The following CATSPER3 variants were observed in gnomAD, a reference collection of about 807,000 sequenced individuals.
CATSPER3 encodes cation channel sperm associated 3.
A neutral mutation model predicts 36.6 loss-of-function variants in CATSPER3; 23 were observed. The observed-to-expected ratio is 0.63, with a 90% CI of 0.45 to 0.89. The LOEUF (loss-of-function observed/expected upper bound fraction) is 0.89. CATSPER3 is among the 40% of genes least tolerant of loss of function. The probability of loss-of-function intolerance (pLI) is 0.00; values close to 1 mark genes in which losing one functional copy is unlikely to be tolerated. For missense variants in CATSPER3, 474 were observed against 503.9 expected (o/e 0.94, Z 0.57); for synonymous variants, 172 against 184.1 (o/e 0.93, Z 0.53).
intron 3 of CATSPER3, 112 bp downstream of exon 3, chr5:134,996,624 A>G: frequency 9.6e-7 from 1 of 1,045,214 alleles, no homozygotes. Flanking sequence ...GTTGAGTCCA[A>G]CGTGTGTGGC....
intron 4 of CATSPER3, among the ~76,000 whole-genome samples, chr5:135,008,448 A>G (rs1016658624): frequency 3.0e-4 from 45 of 152,348 alleles, no homozygotes; most frequent in African/African-American, 9.9e-4. Context: ...CCCATGTCAT[A>G]TAGCCTTTGG....
At chr5:134,976,011 T>C (rs1580902847) in intron 2 of CATSPER3, among the ~76,000 whole-genome samples, 1 of 152,146 alleles carries the variant, frequency 6.6e-6, no homozygotes, top group East Asian at 1.9e-4. Context: ...TTAAGTGAAA[T>C]AAGCCAAGCA....
chr5:134,971,398 G>A (rs562406438), intron 2 of CATSPER3, among the ~76,000 whole-genome samples: 63 of 152,212 alleles, frequency 4.1e-4, no homozygotes, highest in African/African-American at 1.4e-3. Flanking sequence ...TCTGGCCTGG[G>A]CAACAGAGTG....
At position 134,968,097 on chromosome 5, in the gene CATSPER3, T is replaced by A. The variant is rs201318071; in HGVS notation, c.98+8T>A. ...AACATTCAAGAAATTTAAGTAAATA[T>A]TATCTATCTCCATTGCCTGTTAAGA... On this transcript the variant is annotated splice_region_variant and intron_variant, in intron 1 of 7. Coordinates refer to ENST00000282611, the MANE Select transcript of CATSPER3 (RefSeq NM_178019.3). 7.7e-5 allele frequency: 121 copies of A among 1,571,870 alleles called. No homozygotes were observed. In the African/African-American group the frequency reaches 1.5e-3, roughly 20 times the overall value.
At chr5:134,991,176 GA>G (rs1353222250) in intron 2 of CATSPER3, among the ~76,000 whole-genome samples, 9 of 152,192 alleles carry the variant, frequency 5.9e-5, no homozygotes, top group Non-Finnish European at 2.9e-5. Context: ...TGTGTTCATG[GA>G]AGAGATTTAA....
chr5:135,009,351 T>C lies in CATSPER3; in HGVS notation c.817-20T>C. 6.2e-7 allele frequency: 1 copy of C among 1,612,326 alleles called. No homozygotes were observed. The highest frequency in any genetic ancestry group is 8.5e-7 in the Non-Finnish European group (1 of 1,178,880). On this transcript the variant is annotated intron_variant, in intron 5 of 7. Coordinates refer to ENST00000282611, the MANE Select transcript of CATSPER3 (RefSeq NM_178019.3). ...ATGTAGCGAGAGCCTGTAGTTGACC[T>C]CCATCGTCTGACTCTCTAGGACTCC...
chr5:134,970,823 C>T (rs891951177), intron 2 of CATSPER3, among the ~76,000 whole-genome samples: 4 of 152,038 alleles, frequency 2.6e-5, no homozygotes, highest in African/African-American at 2.4e-5. Flanking sequence ...CTGCCTGCGT[C>T]GGGCTCCCAA....
At chr5:134,983,215 C>T (rs1445383089) in intron 2 of CATSPER3, among the ~76,000 whole-genome samples, 1 of 152,120 alleles carries the variant, frequency 6.6e-6, no homozygotes, top group Non-Finnish European at 1.5e-5. Context: ...TCTGTAATTA[C>T]TTTAAATATA....
Position 134,996,324 on chromosome 5 carries a change from G to A in CATSPER3, c.304G>A (p.Val102Ile). Reference protein sequence around the residue: ...SICTSELSMKVYVDPINYWKN... With the variant: ...SICTSELSMKIYVDPINYWKN... The stretch of plus-strand genomic sequence containing the variant: ...CTGCACATCTGAGTTGTCCATGAAG[G>A]TCTATGTGGACCCCATCAACTACTG... The change falls in exon 3 of 8, where the codon GTC (valine) becomes ATC (isoleucine). Residue 102 changes from valine to isoleucine, a missense_variant. Transcript: ENST00000282611. The A allele has an allele frequency of 1.2e-6, 2 of 1,614,080 alleles. No homozygotes were observed. Among genetic ancestry groups the A allele is most frequent in the Non-Finnish European group, 1.7e-6 (2 of 1,179,896 alleles).
intron 3 of CATSPER3, among the ~76,000 whole-genome samples, chr5:135,003,287 G>A (rs1006456774): frequency 1.3e-5 from 2 of 152,204 alleles, no homozygotes; most frequent in Non-Finnish European, 2.9e-5. Context: ...TAACAGCAAA[G>A]GTTGCTGCCT....
At chr5:135,007,496 G>A (rs965142174) in intron 3 of CATSPER3, among the ~76,000 whole-genome samples, 4 of 152,216 alleles carry the variant, frequency 2.6e-5, no homozygotes, top group Admixed American at 6.5e-5. Context: ...GGGTCGACAA[G>A]GACCAGGGAG....
intron 2 of CATSPER3, among the ~76,000 whole-genome samples, chr5:134,979,705 G>C (rs373523289): frequency 5.9e-5 from 9 of 152,152 alleles, no homozygotes; most frequent in Non-Finnish European, 1.0e-4. Flanking sequence ...GAGAAGCTCC[G>C]GTGTATATGG....
chr5:135,001,517 A>G (rs1752019552), intron 3 of CATSPER3, among the ~76,000 whole-genome samples: 1 of 152,196 alleles, frequency 6.6e-6, no homozygotes, highest in Non-Finnish European at 1.5e-5. Context: ...TGTCTCATTG[A>G]TCTGTCTAAT....
At chr5:135,004,364 A>G (rs376441400) in intron 3 of CATSPER3, among the ~76,000 whole-genome samples, 114 of 152,316 alleles carry the variant, frequency 7.5e-4, no homozygotes, top group African/African-American at 2.6e-3. Flanking sequence ...ATAGCATCCT[A>G]GGTTTCAAGC....
chr5:134,983,179 G>A (rs1751769610), intron 2 of CATSPER3, among the ~76,000 whole-genome samples: 1 of 152,114 alleles, frequency 6.6e-6, no homozygotes, highest in Non-Finnish European at 1.5e-5. Context: ...AAAACAAATA[G>A]CAAAACAGCA....
intron 6 of CATSPER3, among the ~76,000 whole-genome samples, chr5:135,009,954 G>A (rs1212771910): frequency 6.6e-6 from 1 of 152,232 alleles, no homozygotes; most frequent in Admixed American, 6.5e-5. Context: ...CAAGCATGAT[G>A]CAACCATGAG....
intron 2 of CATSPER3, among the ~76,000 whole-genome samples, chr5:134,994,463 A>G (rs2149550199): frequency 6.6e-6 from 1 of 152,344 alleles, no homozygotes; most frequent in East Asian, 1.9e-4. Context: ...ATTAAAGTAG[A>G]TTGGTTCAAT....
At chr5:134,970,157 A>T in intron 2 of CATSPER3, 65 bp downstream of exon 2, 2 of 1,512,138 alleles carry the variant, frequency 1.3e-6, no homozygotes, top group Non-Finnish European at 1.8e-6. Context: ...TGGAAACATT[A>T]TAAGATTTTT....
chr5:135,005,650 G>A (rs1298117610), intron 3 of CATSPER3, among the ~76,000 whole-genome samples: 2 of 152,250 alleles, frequency 1.3e-5, no homozygotes, highest in East Asian at 1.9e-4. Context: ...CAGAGATGGC[G>A]CTCTGGCGCA....
Sources: gnomAD v4.1 joint callset for allele counts (sites outside exome capture counted in the v4.1 genomes callset) on GRCh38, gnomAD v4.1.1 for gene constraint, MANE v1.5 for transcripts, NCBI Gene and HGNC (gene_info 2026-07-23, HGNC 2026-07-21) for gene names.